The following ZNF568 variants were observed in gnomAD, a reference collection of about 807,000 sequenced individuals.
ZNF568 encodes the protein p53 inhibitor of SCO2 activation.
ZNF568 carries 11 observed loss-of-function variants against 18.1 expected under a neutral mutation model. The observed-to-expected ratio is 0.61, with a 90% confidence interval of 0.38 to 1.00. The LOEUF is 1.00. Among genes scored for constraint, ZNF568 ranks in the 50% least tolerant of loss-of-function variants. ZNF568 has a pLI of 0.01. For missense variants in ZNF568, 639 were observed against 768.2 expected, an observed-to-expected ratio of 0.83 and a Z score of 1.99; for synonymous variants, 213 against 246.6, an observed-to-expected ratio of 0.86 and a Z score of 1.28.
chr19:36,996,731 C>G (rs2074475985), exon 5 of ZNF568: 1 of 1,537,592 alleles, frequency 6.5e-7, no homozygotes, highest in African/African-American at 1.4e-5. Flanking sequence ...AACAAATGTG[C>G]CTTTAATCAT....
exon 8 of ZNF568, chr19:36,979,337 G>C (rs2074312787): frequency 6.5e-6 from 1 of 154,922 alleles, no homozygotes; most frequent in South Asian, 1.9e-4. Context: ...TAGAACATGT[G>C]TAATATATTA....
intron 4 of ZNF568, among the ~76,000 whole-genome samples, chr19:36,928,284 A>G (rs1017730471): frequency 3.3e-5 from 5 of 152,082 alleles, no homozygotes; most frequent in African/African-American, 1.2e-4. Flanking sequence ...ATAAATTATT[A>G]TATTCAAGAG....
chr19:36,924,415 C>T (rs918491463), intron 3 of ZNF568, among the ~76,000 whole-genome samples: 1 of 151,656 alleles, frequency 6.6e-6, no homozygotes, highest in African/African-American at 2.4e-5. Context: ...GACAGGGTTT[C>T]GCCATATTGG....
chr19:36,936,901 A>G (rs774696146), intron 5 of ZNF568, 29 bp downstream of exon 5: 14 of 1,606,218 alleles, frequency 8.7e-6, no homozygotes, highest in Middle Eastern at 1.7e-4. Context: ...CTTGCAATTT[A>G]ACAGAGAATT....
intron 4 of ZNF568, among the ~76,000 whole-genome samples, chr19:36,927,887 T>TATA (rs1491142078): frequency 2.4e-3 from 95 of 38,876 alleles, no homozygotes; most frequent in East Asian, 0.02. Flanking sequence ...TATATATATA[T>TATA]TATATATATA....
At chr19:36,923,121 C>T (rs191537595) in intron 3 of ZNF568, among the ~76,000 whole-genome samples, 48 of 152,194 alleles carry the variant, frequency 3.2e-4, no homozygotes, top group Non-Finnish European at 5.7e-4. Context: ...ATCCTGGTTC[C>T]CTGTCCCCAT....
chr19:36,991,371 T>C (rs539242724), intron 3 of ZNF568: 2 of 1,440,068 alleles, frequency 1.4e-6, no homozygotes, highest in Admixed American at 5.5e-5. Flanking sequence ...AATTCTTATG[T>C]TCTTTTTTCT....
chr19:36,944,339 G>T (rs2073929560), intron 6 of ZNF568, among the ~76,000 whole-genome samples: 1 of 151,336 alleles, frequency 6.6e-6, no homozygotes, highest in African/African-American at 2.4e-5. Context: ...TGGAGGTTTT[G>T]GTGAGCCGAG....
At chr19:36,936,315 C>T (rs2073788995) in intron 4 of ZNF568, among the ~76,000 whole-genome samples, 1 of 152,122 alleles carries the variant, frequency 6.6e-6, no homozygotes, top group Non-Finnish European at 1.5e-5. Flanking sequence ...AATGTTGCAT[C>T]ACTTAAAGAA....
chr19:36,996,981 G>A (rs1407379603), exon 5 of ZNF568: 1 of 1,544,170 alleles, frequency 6.5e-7, no homozygotes, highest in South Asian at 1.2e-5. Flanking sequence ...CGTGTGGGAA[G>A]GCCTTTACCC....
chr19:36,938,588 T>C (rs937593429), intron 6 of ZNF568, among the ~76,000 whole-genome samples: 6 of 152,228 alleles, frequency 3.9e-5, no homozygotes, highest in African/African-American at 1.2e-4. Flanking sequence ...CCTGAGGTTT[T>C]GCATATGGGA....
At chr19:36,935,666 T>C (rs1419369431) in intron 4 of ZNF568, among the ~76,000 whole-genome samples, 1 of 152,152 alleles carries the variant, frequency 6.6e-6, no homozygotes, top group Admixed American at 6.5e-5. Flanking sequence ...TTAAGACTGT[T>C]AGATGCATAT....
intron 4 of ZNF568, among the ~76,000 whole-genome samples, chr19:36,926,016 A>C (rs547161151): frequency 6.6e-6 from 1 of 152,216 alleles, no homozygotes; most frequent in African/African-American, 2.4e-5. Context: ...CCAAACTTCA[A>C]AAATTCAAAT....
intron 6 of ZNF568, among the ~76,000 whole-genome samples, chr19:36,969,326 C>A (rs1206747957): frequency 2.6e-5 from 4 of 152,092 alleles, no homozygotes; most frequent in African/African-American, 7.2e-5. Flanking sequence ...TGATTCGTTA[C>A]CATAAGAGAG....
At chr19:36,939,392 C>A (rs1013480012) in intron 6 of ZNF568, among the ~76,000 whole-genome samples, 5 of 152,120 alleles carry the variant, frequency 3.3e-5, no homozygotes, top group Admixed American at 3.3e-4. Flanking sequence ...GTTCCCTGTA[C>A]TTTTTGTTGG....
At chr19:36,994,929 C>T (rs956554013) in intron 4 of ZNF568, among the ~76,000 whole-genome samples, 6 of 152,230 alleles carry the variant, frequency 3.9e-5, no homozygotes, top group African/African-American at 9.6e-5. Context: ...GGATTACAAG[C>T]GTGACCCACC....
At chr19:36,972,485 CCT>C (rs1326764706) in intron 6 of ZNF568, among the ~76,000 whole-genome samples, 2 of 152,160 alleles carry the variant, frequency 1.3e-5, no homozygotes, top group African/African-American at 4.8e-5. Context: ...CATCCCCAAA[CCT>C]CTAGGACAGG....
At chr19:36,924,481 T>A (rs1444221804) in intron 3 of ZNF568, among the ~76,000 whole-genome samples, 3 of 115,336 alleles carry the variant, frequency 2.6e-5, no homozygotes, top group Non-Finnish European at 5.3e-5. Context: ...CCTCCCAAAG[T>A]GCTGGGATTA....
chr19:36,925,872 A>G (rs2073544327), intron 4 of ZNF568, among the ~76,000 whole-genome samples: 1 of 152,210 alleles, frequency 6.6e-6, no homozygotes, highest in South Asian at 2.1e-4. Context: ...ACCATTTTAT[A>G]TAAGGGACTT....
Sources: allele counts gnomAD v4.1 joint callset (sites outside exome capture counted in the v4.1 genomes callset), GRCh38; gene constraint gnomAD v4.1.1; transcripts MANE v1.5; gene names NCBI Gene and HGNC (gene_info 2026-07-23, HGNC 2026-07-21).